Variants in CLMP observed in about 807,000 individuals in gnomAD.
The protein encoded by CLMP is CXADR like cell adhesion molecule.
Under a neutral mutation model 45.2 loss-of-function variants are expected in CLMP, and 27 were observed. That is an observed-to-expected ratio of 0.60 (90% CI 0.44 to 0.82). The LOEUF is 0.82. Ranked by LOEUF, CLMP falls within the 40% of genes least tolerant of loss-of-function variation. The pLI, the probability that CLMP is intolerant of heterozygous loss-of-function variation, is 0.00. For missense variants in CLMP, 403 were observed against 448.4 expected, an observed-to-expected ratio of 0.90 and a Z score of 0.91; for synonymous variants, 167 against 171.4, an observed-to-expected ratio of 0.97 and a Z score of 0.20.
intron 1 of CLMP, among the ~76,000 whole-genome samples, chr11:123,178,962 T>G (rs180869305): frequency 3.9e-5 from 6 of 152,258 alleles, no homozygotes; most frequent in Admixed American, 2.0e-4. Flanking sequence ...TTAAAAAGTG[T>G]TTTTTTAGGG....
chr11:123,083,315 G>T, intron 4 of CLMP, 108 bp from the exon 5 acceptor site: 2 of 1,104,020 alleles, frequency 1.8e-6, no homozygotes, highest in East Asian at 2.4e-5. Flanking sequence ...TATTTGATAA[G>T]AATGAAATGA....
At chr11:123,105,427 T>TTTTC (rs1192767671) in intron 1 of CLMP, among the ~76,000 whole-genome samples, 2 of 146,828 alleles carry the variant, frequency 1.4e-5, no homozygotes, top group South Asian at 2.2e-4. Context: ...TTCTTTCTTC[T>TTTTC]TTTCTTTCTT....
chr11:123,120,598 A>G (rs186384208), intron 1 of CLMP, among the ~76,000 whole-genome samples: 1 of 152,338 alleles, frequency 6.6e-6, no homozygotes, highest in Admixed American at 6.5e-5. Context: ...AATGATGATT[A>G]TTAAAGCATG....
At chr11:123,122,883 A>C (rs897158005) in intron 1 of CLMP, among the ~76,000 whole-genome samples, 5 of 151,928 alleles carry the variant, frequency 3.3e-5, no homozygotes, top group Non-Finnish European at 7.4e-5. Flanking sequence ...TTTGGTTCAG[A>C]CTAAGGGAAA....
chr11:123,144,269 G>A (rs1019726179), intron 1 of CLMP, among the ~76,000 whole-genome samples: 2 of 152,218 alleles, frequency 1.3e-5, no homozygotes, highest in Non-Finnish European at 2.9e-5. Flanking sequence ...TCTTTGATTT[G>A]TGTTGAGGGC....
At chr11:123,145,870 T>C (rs778269920) in intron 1 of CLMP, among the ~76,000 whole-genome samples, 1 of 152,210 alleles carries the variant, frequency 6.6e-6, no homozygotes, top group Non-Finnish European at 1.5e-5. Context: ...ACTAGGAAAT[T>C]AGCGCCATCT....
chr11:123,107,767 T>C (rs958314690), intron 1 of CLMP, among the ~76,000 whole-genome samples: 1 of 151,790 alleles, frequency 6.6e-6, no homozygotes, highest in Admixed American at 6.6e-5. Context: ...CTGTTAGCAT[T>C]TGGCTATATT....
At chr11:123,119,667 G>A (rs1233943611) in intron 1 of CLMP, among the ~76,000 whole-genome samples, 1 of 151,762 alleles carries the variant, frequency 6.6e-6, no homozygotes, top group African/African-American at 2.4e-5. Flanking sequence ...CAGTTCATAT[G>A]CATTTTATGT....
intron 1 of CLMP, among the ~76,000 whole-genome samples, chr11:123,139,437 A>G (rs1021624893): frequency 3.9e-5 from 6 of 152,156 alleles, no homozygotes; most frequent in African/African-American, 1.2e-4. Context: ...TGAGCAATCA[A>G]TTCTGTCTTT....
At chr11:123,138,261 A>T (rs1398859209) in intron 1 of CLMP, among the ~76,000 whole-genome samples, 2 of 152,138 alleles carry the variant, frequency 1.3e-5, no homozygotes, top group Non-Finnish European at 2.9e-5. Context: ...TTCTCATTAT[A>T]AAACACATGG....
chr11:123,182,167 G>T (rs910947928), intron 1 of CLMP, among the ~76,000 whole-genome samples: 1 of 152,200 alleles, frequency 6.6e-6, no homozygotes, highest in Non-Finnish European at 1.5e-5. Context: ...TTTGACCCAG[G>T]ATGACACACA....
At chr11:123,185,877 C>G (rs956547440) in intron 1 of CLMP, among the ~76,000 whole-genome samples, 1 of 151,784 alleles carries the variant, frequency 6.6e-6, no homozygotes, top group Admixed American at 6.6e-5. Context: ...AAAAAGCAAA[C>G]ATAATTCAAC....
intron 1 of CLMP, among the ~76,000 whole-genome samples, chr11:123,193,395 G>C (rs1217851541): frequency 2.0e-5 from 3 of 152,254 alleles, no homozygotes; most frequent in Non-Finnish European, 4.4e-5. Flanking sequence ...AGAGAGCCCT[G>C]AAGTTTCATT....
Position 123,070,022 on chromosome 11 carries a change from A to C in CLMP, c.*3452T>G, listed in dbSNP as rs1453415599. 1 of 152,256 alleles carries C rather than the reference A, an allele frequency of 6.6e-6. No individual in the cohort carries two copies. The highest frequency in any genetic ancestry group is 2.4e-5 in the African/African-American group (1 of 41,478). The allele number at this position is 152,256 out of a possible 1,614,324, so 9.4% of individuals were successfully genotyped here. A position where few individuals can be genotyped will look rare whatever the true frequency, so the allele number is the denominator to read the frequency against. On this transcript the variant is annotated 3_prime_UTR_variant, in exon 7 of 7. Transcript: ENST00000448775. ...TATAAACAGCTTAACACCAGAAGGAAGCAAAACTATATATGTCTTTTTGCA... is the reference window on the plus strand; with the variant it reads ...TATAAACAGCTTAACACCAGAAGGACGCAAAACTATATATGTCTTTTTGCA...
chr11:123,092,902 A>T (rs1410091821), intron 2 of CLMP, among the ~76,000 whole-genome samples: 2 of 137,770 alleles, frequency 1.5e-5, no homozygotes, highest in Non-Finnish European at 3.1e-5. Context: ...CTGGCCTGAC[A>T]CACACTTTTT....
At chr11:123,190,582 C>G (rs1215057157) in intron 1 of CLMP, among the ~76,000 whole-genome samples, 1 of 152,168 alleles carries the variant, frequency 6.6e-6, no homozygotes, top group Non-Finnish European at 1.5e-5. Context: ...CAGTCCTGTT[C>G]CTTGTACACA....
intron 4 of CLMP, 51 bp downstream of exon 4, chr11:123,083,629 G>A (rs766844049): frequency 2.2e-5 from 34 of 1,578,006 alleles, no homozygotes; most frequent in Admixed American, 8.3e-5. Context: ...TAGAGCTCAC[G>A]GATAGAGGAC....
At chr11:123,132,438 T>G (rs1334915951) in intron 1 of CLMP, among the ~76,000 whole-genome samples, 1 of 152,138 alleles carries the variant, frequency 6.6e-6, no homozygotes, top group Non-Finnish European at 1.5e-5. Flanking sequence ...TTTCTCTTAT[T>G]TTTGTCTCTC....
chr11:123,087,303 C>G (rs2135472104), intron 2 of CLMP, among the ~76,000 whole-genome samples: 1 of 151,892 alleles, frequency 6.6e-6, no homozygotes, highest in African/African-American at 2.4e-5. Flanking sequence ...CGGCATTGCA[C>G]TGCAGTCTGA....
Sources: gnomAD v4.1 joint callset for allele counts (sites outside exome capture counted in the v4.1 genomes callset) on GRCh38, gnomAD v4.1.1 for gene constraint, MANE v1.5 for transcripts, NCBI Gene and HGNC (gene_info 2026-07-23, HGNC 2026-07-21) for gene names.